Variants in COMMD1 observed in about 807,000 individuals in gnomAD.
COMMD1 encodes the protein COMM domain-containing protein 1.
In COMMD1, 10 loss-of-function variants were observed where a neutral mutation model predicts 17.2. The ratio of observed to expected loss-of-function variants is 0.58; its 90% CI spans 0.36 to 0.99. The LOEUF (loss-of-function observed/expected upper bound fraction) is 0.99, where lower values mean the gene tolerates loss of function less well. Among genes scored for constraint, COMMD1 ranks in the 50% least tolerant of loss-of-function variants. The probability of loss-of-function intolerance (pLI) is 0.01; values close to 1 mark genes in which losing one functional copy is unlikely to be tolerated. For missense variants in COMMD1, 270 were observed against 231.8 expected (o/e 1.17, Z -1.07); for synonymous variants, 97 against 91.6 (o/e 1.06, Z -0.34).
chr2:62,071,548 CT>C (rs1406991129), intron 2 of COMMD1, among the ~76,000 whole-genome samples: 1 of 152,092 alleles, frequency 6.6e-6, no homozygotes, highest in Non-Finnish European at 1.5e-5. Flanking sequence ...TGGAGTCACT[CT>C]GGTTCAAATG....
At chr2:61,907,015 T>C (rs772820290) in intron 1 of COMMD1, among the ~76,000 whole-genome samples, 1 of 152,212 alleles carries the variant, frequency 6.6e-6, no homozygotes, top group Non-Finnish European at 1.5e-5. Context: ...CTCATGGAAA[T>C]GTAAGGAGTA....
chr2:62,050,546 T>C (rs980381634), intron 2 of COMMD1, among the ~76,000 whole-genome samples: 5 of 152,218 alleles, frequency 3.3e-5, no homozygotes, highest in African/African-American at 1.2e-4. Context: ...TTCTCACTTG[T>C]CTTCTCTGCT....
intron 2 of COMMD1, among the ~76,000 whole-genome samples, chr2:62,031,584 C>A (rs1393666666): frequency 6.6e-6 from 1 of 152,164 alleles, no homozygotes; most frequent in Non-Finnish European, 1.5e-5. Flanking sequence ...TCACATTAAA[C>A]TGAGGAGCCA....
At chr2:62,047,502 T>A (rs1335040325) in intron 2 of COMMD1, among the ~76,000 whole-genome samples, 1 of 151,832 alleles carries the variant, frequency 6.6e-6, no homozygotes, top group Non-Finnish European at 1.5e-5. Context: ...GTCTTTAGGC[T>A]GGAGTACAAT....
chr2:61,989,525 C>T lies in COMMD1; in HGVS notation c.181-11176C>T, dbSNP rs576093351. Among the ~76,000 whole-genome samples, 3 of 150,856 alleles carry T rather than the reference C, an allele frequency of 2.0e-5. No homozygotes were observed. In the South Asian group the frequency reaches 6.3e-4, roughly 32 times the overall value. On this transcript the variant is annotated intron_variant, in intron 1 of 2. Transcript: ENST00000311832. ...TCGCCCAGGCTGGAGTGCAGTTGCA[C>T]AATCTGGGCTCACTGCAACCTCCAC...
chr2:61,895,413 T>C (rs1669531325), intron 1 of COMMD1, among the ~76,000 whole-genome samples: 1 of 152,164 alleles, frequency 6.6e-6, no homozygotes, highest in African/African-American at 2.4e-5. Flanking sequence ...GACTTGGAAA[T>C]GGTGCTACCT....
upstream of COMMD1, chr2:61,905,659 G>C (rs1250585368): frequency 1.7e-5 from 26 of 1,530,646 alleles, no homozygotes; most frequent in Non-Finnish European, 2.2e-5. Flanking sequence ...AGCTGTTGCG[G>C]GGCGGGGCCT....
intron 1 of COMMD1, among the ~76,000 whole-genome samples, chr2:61,920,979 A>T (rs866191585): frequency 7.6e-5 from 10 of 131,124 alleles, no homozygotes; most frequent in African/African-American, 3.1e-4. Flanking sequence ...ATATATATAT[A>T]TATTTTTTTT....
Position 61,970,119 on chromosome 2 carries a change from G to A in COMMD1, c.181-30582G>A, listed in dbSNP as rs1671606710. ...TAAAAATACAAAAAATTAGCTGGGT[G>A]TGGTGGTGGGCGCGTGTAATCTTAG... On this transcript the variant is annotated intron_variant, in intron 1 of 2. Transcript: ENST00000311832. 4.0e-5 allele frequency among the ~76,000 whole-genome samples: 6 copies of A among 151,894 alleles called. No individual in the cohort carries two copies. The South Asian group carries it at 1.2e-3, about 32-fold the overall frequency.
At chr2:62,030,402 T>C (rs1165644180) in intron 2 of COMMD1, among the ~76,000 whole-genome samples, 1 of 152,220 alleles carries the variant, frequency 6.6e-6, no homozygotes, top group East Asian at 1.9e-4. Context: ...CTGCGGCTGC[T>C]TCTGAAGCCT....
At position 61,897,435 on chromosome 2, in the gene COMMD1, A is replaced by G. The variant is rs138355369; in HGVS notation, n.119+8593A>G. Among the ~76,000 whole-genome samples, 369 of 152,292 alleles carry G rather than the reference A, an allele frequency of 2.4e-3. 3 individuals are homozygous for G. Among genetic ancestry groups the G allele is most frequent in the East Asian group, 8.5e-3 (44 of 5,182 alleles). On this transcript the variant is annotated intron_variant and non_coding_transcript_variant, in intron 1 of 2. Transcript: ENST00000472729. ...TTACAGAGCTCCAGCCAAGAACCCT[A>G]AGATGGGAAGGGGAAAGATTTTTCC...
chr2:61,961,522 A>T (rs1169017109), intron 1 of COMMD1, among the ~76,000 whole-genome samples: 1 of 152,218 alleles, frequency 6.6e-6, no homozygotes, highest in Non-Finnish European at 1.5e-5. Context: ...CTAATAGTGG[A>T]TAGCAATCTT....
At chr2:61,926,295 T>C (rs1670328432) in intron 1 of COMMD1, among the ~76,000 whole-genome samples, 2 of 152,150 alleles carry the variant, frequency 1.3e-5, no homozygotes, top group African/African-American at 4.8e-5. Flanking sequence ...AAATTAAACA[T>C]ATTAATTTGC....
chr2:61,994,368 A>G (rs1041212843), intron 1 of COMMD1, among the ~76,000 whole-genome samples: 3 of 152,198 alleles, frequency 2.0e-5, no homozygotes, highest in Admixed American at 1.3e-4. Flanking sequence ...ATGTTTATTG[A>G]ATTGTAATGT....
intron 1 of COMMD1, among the ~76,000 whole-genome samples, chr2:61,963,157 C>T (rs1671405275): frequency 7.6e-6 from 1 of 131,788 alleles, no homozygotes; most frequent in African/African-American, 3.4e-5. Flanking sequence ...GAGACCCTGT[C>T]TCAAAAAAAA....
At chr2:61,945,117 A>G (rs930260082) in intron 1 of COMMD1, among the ~76,000 whole-genome samples, 3 of 152,208 alleles carry the variant, frequency 2.0e-5, no homozygotes, top group African/African-American at 7.2e-5. Context: ...GAGTGCTCCA[A>G]TGGTAAGGTG....
At chr2:62,098,305 T>G (rs1168214164) in intron 2 of COMMD1, among the ~76,000 whole-genome samples, 1 of 151,950 alleles carries the variant, frequency 6.6e-6, no homozygotes, top group Non-Finnish European at 1.5e-5. Context: ...ATTACAGGCA[T>G]GCGCCACCAC....
chr2:62,111,707 A>AGAAAGTC (rs1672461168), intron 2 of COMMD1, among the ~76,000 whole-genome samples: 1 of 152,146 alleles, frequency 6.6e-6, no homozygotes, highest in African/African-American at 2.4e-5. Context: ...GGAAGGCAGG[A>AGAAAGTC]GAAAGTCAGA....
At chr2:62,031,754 G>C (rs922850348) in intron 2 of COMMD1, among the ~76,000 whole-genome samples, 1 of 152,154 alleles carries the variant, frequency 6.6e-6, no homozygotes, top group African/African-American at 2.4e-5. Flanking sequence ...AATAAAAATA[G>C]CTCCACATTC....
Sources: gnomAD v4.1 joint callset for allele counts (sites outside exome capture counted in the v4.1 genomes callset) on GRCh38, gnomAD v4.1.1 for gene constraint, MANE v1.5 for transcripts, NCBI Gene and HGNC (gene_info 2026-07-23, HGNC 2026-07-21) for gene names.